The following RORB variants were observed in gnomAD, a reference collection of about 807,000 sequenced individuals.
RORB encodes nuclear receptor ROR-beta.
RORB carries 6 observed loss-of-function variants against 59.1 expected under a neutral mutation model. The observed-to-expected ratio is 0.10, with a 90% CI of 0.06 to 0.20. RORB has a LOEUF of 0.20. Among genes scored for constraint, RORB ranks in the 10% least tolerant of loss-of-function variants. The pLI, the probability that RORB is intolerant of heterozygous loss-of-function variation, is 1.00. For missense variants in RORB, 320 were observed against 560.5 expected (o/e 0.57, Z 4.33); for synonymous variants, 215 against 204.5 (o/e 1.05, Z -0.44).
intron 1 of RORB, among the ~76,000 whole-genome samples, chr9:74,511,966 G>T (rs1417073909): frequency 6.6e-6 from 1 of 151,462 alleles, no homozygotes; most frequent in Admixed American, 6.6e-5. Flanking sequence ...ATAGGTACTA[G>T]AAATGGCAAT....
At chr9:74,518,574 C>T (rs970684837) in intron 1 of RORB, among the ~76,000 whole-genome samples, 1 of 151,924 alleles carries the variant, frequency 6.6e-6, no homozygotes, top group Non-Finnish European at 1.5e-5. Context: ...CTCTTTGCCC[C>T]GCCACGATCC....
intron 1 of RORB, among the ~76,000 whole-genome samples, chr9:74,568,528 C>T (rs999641091): frequency 2.0e-5 from 3 of 151,570 alleles, no homozygotes; most frequent in African/African-American, 4.8e-5. Flanking sequence ...GGTGAAACCC[C>T]GTCTCTACTA....
At chr9:74,560,150 A>C (rs2118188761) in intron 1 of RORB, among the ~76,000 whole-genome samples, 1 of 152,308 alleles carries the variant, frequency 6.6e-6, no homozygotes, top group Non-Finnish European at 1.5e-5. Context: ...GAGAACCTTA[A>C]GGTTCTCATA....
At chr9:74,545,476 T>C (rs1826473619) in intron 1 of RORB, among the ~76,000 whole-genome samples, 3 of 152,192 alleles carry the variant, frequency 2.0e-5, no homozygotes, top group Non-Finnish European at 4.4e-5. Context: ...GTTTCAGAAA[T>C]GAATGAATCC....
chr9:74,506,073 A>T (rs538265880), intron 1 of RORB, among the ~76,000 whole-genome samples: 28 of 151,878 alleles, frequency 1.8e-4, no homozygotes, highest in Middle Eastern at 3.4e-3. Flanking sequence ...TTTATTTTTT[A>T]AAAAAAGGAA....
In RORB at chr9:74,497,836, C is replaced by A; in HGVS notation, c.-141C>A. The A allele has an allele frequency of 1.0e-6, 1 of 972,582 alleles. No homozygotes were observed. Among genetic ancestry groups the A allele is most frequent in the Non-Finnish European group, 1.5e-6 (1 of 645,276 alleles). The allele number at this position is 972,582 out of a possible 1,614,324, so 60.2% of individuals were successfully genotyped here. A position where few individuals can be genotyped will look rare whatever the true frequency, so the allele number is the denominator to read the frequency against. On this transcript the variant is annotated 5_prime_UTR_variant, in exon 1 of 10. Coordinates refer to ENST00000376896, the MANE Select transcript of RORB (RefSeq NM_006914.4). ...AACGTCACCCTGCAGCCACGGCGTC[C>A]GCCTAAAGGGATGGTTTTCTCGGCA...
chr9:74,542,176 A>G (rs2118136836), intron 1 of RORB, among the ~76,000 whole-genome samples: 1 of 152,326 alleles, frequency 6.6e-6, no homozygotes. Flanking sequence ...TAAAGTAAAC[A>G]AAATACCCTA....
rs756285854 is a variant in RORB, at chr9:74,513,414, C to A, written c.7+15431C>A. On this transcript the variant is annotated intron_variant, in intron 1 of 9. Coordinates refer to ENST00000376896, the MANE Select transcript of RORB (RefSeq NM_006914.4). The stretch of plus-strand genomic sequence containing the variant: ...ATTGCAGTTTTTGCCATTACGTCAG[C>A]AAAAACCGCAATAACTTTTGCACCA... Among the ~76,000 whole-genome samples, 30 of 151,816 alleles carry A rather than the reference C, an allele frequency of 2.0e-4. 1 individual carries two copies. Among genetic ancestry groups the A allele is most frequent in the Non-Finnish European group, 3.4e-4 (23 of 67,902 alleles).
chr9:74,629,320 T>G (rs991707752), intron 1 of RORB, among the ~76,000 whole-genome samples: 2 of 151,592 alleles, frequency 1.3e-5, no homozygotes, highest in Non-Finnish European at 2.9e-5. Context: ...CCTGTTCACT[T>G]CGTTGATTCC....
chr9:74,654,163 T>A (rs1053731371), intron 4 of RORB, among the ~76,000 whole-genome samples: 16 of 152,214 alleles, frequency 1.1e-4, no homozygotes, highest in South Asian at 2.1e-4. Flanking sequence ...TCTGATATAA[T>A]TGACCTTTTA....
intron 1 of RORB, among the ~76,000 whole-genome samples, chr9:74,539,846 T>C (rs1347620688): frequency 2.3e-5 from 3 of 129,518 alleles, no homozygotes; most frequent in Non-Finnish European, 4.8e-5. Context: ...AATTGCCAAA[T>C]CACTTACCCA....
chr9:74,579,201 T>C (rs1822682239), intron 1 of RORB, among the ~76,000 whole-genome samples: 1 of 152,148 alleles, frequency 6.6e-6, no homozygotes, highest in Non-Finnish European at 1.5e-5. Flanking sequence ...CATAGGACTT[T>C]CAGCAAGTCA....
chr9:74,545,535 T>A (rs1455356023), intron 1 of RORB, among the ~76,000 whole-genome samples: 1 of 152,182 alleles, frequency 6.6e-6, no homozygotes, highest in Non-Finnish European at 1.5e-5. Flanking sequence ...AGGTAATGTC[T>A]AAGAAAAGTC....
intron 1 of RORB, among the ~76,000 whole-genome samples, chr9:74,592,460 G>T (rs1156594489): frequency 6.6e-6 from 1 of 152,088 alleles, no homozygotes; most frequent in Non-Finnish European, 1.5e-5. Context: ...AAGAACCAAG[G>T]GCATAGAGAA....
chr9:74,648,832 A>G (rs17691990), intron 4 of RORB, among the ~76,000 whole-genome samples: 10,024 of 152,236 alleles, frequency 0.066, 469 homozygotes, highest in Non-Finnish European at 0.097. Flanking sequence ...TTCATGTACA[A>G]TCCAATTAAA....
At chr9:74,653,240 T>C (rs903405882) in intron 4 of RORB, among the ~76,000 whole-genome samples, 1 of 152,228 alleles carries the variant, frequency 6.6e-6, no homozygotes, top group Non-Finnish European at 1.5e-5. Flanking sequence ...TATGAAAACC[T>C]AATGTAGGCA....
intron 3 of RORB, among the ~76,000 whole-genome samples, chr9:74,641,287 T>C (rs1382556108): frequency 6.6e-6 from 1 of 152,212 alleles, no homozygotes; most frequent in Non-Finnish European, 1.5e-5. Context: ...GGAGGTTAAA[T>C]ATCTTAAGAA....
At chr9:74,632,287 G>T (rs1823631811) in intron 2 of RORB, among the ~76,000 whole-genome samples, 1 of 152,096 alleles carries the variant, frequency 6.6e-6, no homozygotes, top group African/African-American at 2.4e-5. Context: ...TTATTATGAA[G>T]CATACTCTGA....
At chr9:74,595,366 A>T (rs1203500228) in intron 1 of RORB, among the ~76,000 whole-genome samples, 1 of 152,128 alleles carries the variant, frequency 6.6e-6, no homozygotes, top group African/African-American at 2.4e-5. Context: ...TACTTTATTC[A>T]CTCCTGACCA....
Sources: gnomAD v4.1 joint callset for allele counts (sites outside exome capture counted in the v4.1 genomes callset) on GRCh38, gnomAD v4.1.1 for gene constraint, MANE v1.5 for transcripts, NCBI Gene and HGNC (gene_info 2026-07-23, HGNC 2026-07-21) for gene names.